RYR2: variants seen among roughly 807,000 people sequenced by gnomAD.
RYR2 encodes the protein cardiac muscle ryanodine receptor-calcium release channel.
A neutral mutation model predicts 601.1 loss-of-function variants in RYR2; 227 were observed. That is an observed-to-expected ratio of 0.38 (90% CI 0.34 to 0.42). The LOEUF (loss-of-function observed/expected upper bound fraction) is 0.42, where lower values mean the gene tolerates loss of function less well. Ranked by LOEUF, RYR2 falls within the 10% of genes least tolerant of loss-of-function variation. RYR2 has a pLI of 1.00. For synonymous variants in RYR2, 2,223 were observed against 2,175.1 expected (o/e 1.02, Z -0.61); for missense variants, 4,646 against 6,156.5 (o/e 0.75, Z 8.21).
chr1:237,696,540 CTT>C (rs55771611), intron 63 of RYR2, among the ~76,000 whole-genome samples: 1 of 138,722 alleles, frequency 7.2e-6, no homozygotes, highest in Non-Finnish European at 1.5e-5. Flanking sequence ...GCACTGCAGA[CTT>C]TTTTTTTTTT....
intron 1 of RYR2, among the ~76,000 whole-genome samples, chr1:237,258,478 G>A (rs1157337949): frequency 1.3e-5 from 2 of 152,120 alleles, no homozygotes; most frequent in Non-Finnish European, 2.9e-5. Context: ...CACTTATCAA[G>A]ATAAGGAACT....
In RYR2 at chr1:237,726,325, A is replaced by G. The variant is rs562857494; in HGVS notation, c.10725+17A>G. 1.7e-5 allele frequency: 26 copies of G among 1,530,274 alleles called. No homozygotes were observed. The highest frequency in any genetic ancestry group is 1.7e-4 in the Middle Eastern group (1 of 5,942). The allele number at this position is 1,530,274 out of a possible 1,614,324, so 94.8% of individuals were successfully genotyped here. On this transcript the variant is annotated intron_variant, in intron 75 of 104. Coordinates refer to ENST00000366574, the MANE Select transcript of RYR2 (RefSeq NM_001035.3). ...TACTGTCTGGGAAGTACAGTGCTCA[A>G]TGGCCTAGAGATTACTAATTAATTT...
intron 14 of RYR2, 101 bp from the exon 15 acceptor site, chr1:237,454,290 T>C: frequency 8.4e-7 from 1 of 1,188,314 alleles, no homozygotes; most frequent in Non-Finnish European, 1.2e-6. Flanking sequence ...CCTTTTACAG[T>C]GATGTAGGGA....
In RYR2 at chr1:237,388,098, G is replaced by T. The variant is rs1458500258; in HGVS notation, c.688G>T (p.Gly230Cys). The T allele has an allele frequency of 6.2e-7, 1 of 1,613,632 alleles. No individual in the cohort carries two copies. Among genetic ancestry groups the T allele is most frequent in the African/African-American group, 1.3e-5 (1 of 74,948 alleles). The change falls in exon 10 of 105, where the codon GGT becomes TGT. Residue 230 changes from glycine to cysteine, a missense_variant. Gly to Cys is a radical substitution (Grantham distance 159). Transcript: ENST00000366574. ...GSEAAQGYLI[G>C]GDVLRLLHGH... ...TTTTATCCTTACAGGGTATCTCATT[G>T]GTGGTGATGTCCTCAGGTTGCTGCA... is the stretch of plus-strand genomic sequence containing the variant.
chr1:237,110,267 ATT>A (rs71178393), intron 1 of RYR2, among the ~76,000 whole-genome samples: 4 of 150,426 alleles, frequency 2.7e-5, no homozygotes, highest in African/African-American at 4.9e-5. Context: ...GAAAATGGGC[ATT>A]TTTTTTTTCT....
intron 3 of RYR2, among the ~76,000 whole-genome samples, chr1:237,334,670 C>T (rs961160598): frequency 1.3e-5 from 2 of 152,134 alleles, no homozygotes; most frequent in South Asian, 2.1e-4. Context: ...ATCTCTTTGG[C>T]CCCGTTTTCT....
At chr1:237,763,232 G>A (rs1376860680) in intron 84 of RYR2, among the ~76,000 whole-genome samples, 2 of 152,130 alleles carry the variant, frequency 1.3e-5, no homozygotes, top group African/African-American at 4.8e-5. Context: ...TGGGCCCAGC[G>A]TCTGCAACTG....
At chr1:237,133,924 C>CAAAAAAAAAAA (rs10639948) in intron 1 of RYR2, among the ~76,000 whole-genome samples, 1 of 100,474 alleles carries the variant, frequency 1.0e-5, no homozygotes, top group Non-Finnish European at 1.9e-5. Context: ...GACTCCGTCT[C>CAAAAAAAAAAA]AAAAAAAAAA....
At chr1:237,619,647 A>G (rs192580839) in intron 38 of RYR2, among the ~76,000 whole-genome samples, 190 of 151,818 alleles carry the variant, frequency 1.3e-3, no homozygotes, top group Admixed American at 2.2e-3. Context: ...TATAGGATAA[A>G]CATAAATCTT....
chr1:237,506,724 T>G lies in RYR2; in HGVS notation c.2628T>G (p.Pro876=). 1 of 1,612,252 alleles carries G rather than the reference T, an allele frequency of 6.2e-7. No individual in the cohort carries two copies. Among genetic ancestry groups the G allele is most frequent in the Non-Finnish European group, 8.5e-7 (1 of 1,179,290 alleles). The change falls in exon 23 of 105, where the codon CCT becomes CCG. Residue 876 remains proline (P), a synonymous_variant. Transcript: ENST00000366574. ...PVDTSQIVLP[P]HLERIREKLA... is the part of the protein sequence containing the mutation. Reference sequence around the variant, plus strand: ...GTAAATTTTAGATCGTGTTGCCTCCTCATCTAGAAAGAATAAGAGAAAAAC... The same window carrying G: ...GTAAATTTTAGATCGTGTTGCCTCCGCATCTAGAAAGAATAAGAGAAAAAC...
intron 12 of RYR2, 112 bp downstream of exon 12, chr1:237,423,360 T>C (rs1203540167): frequency 7.9e-7 from 1 of 1,260,416 alleles, no homozygotes; most frequent in African/African-American, 1.5e-5. Flanking sequence ...ATGTCTTATG[T>C]GTATTTCTAA....
At chr1:237,689,699 C>A in intron 63 of RYR2, among the ~76,000 whole-genome samples, 1 of 152,028 alleles carries the variant, frequency 6.6e-6, no homozygotes, top group South Asian at 2.1e-4. Flanking sequence ...TATCTCAAAG[C>A]GCATTTTTGC....
At chr1:237,769,028 A>G (rs1197298951) in intron 84 of RYR2, among the ~76,000 whole-genome samples, 2 of 152,250 alleles carry the variant, frequency 1.3e-5, no homozygotes, top group Admixed American at 6.5e-5. Context: ...TTTTAGGTAC[A>G]CAGGTAGATT....
chr1:237,594,917 T>TG (rs1675705498), intron 33 of RYR2, among the ~76,000 whole-genome samples: 4 of 84,242 alleles, frequency 4.7e-5, no homozygotes, highest in African/African-American at 1.4e-4. Flanking sequence ...TTTTTTTTTT[T>TG]TTTTTTTTTT....
chr1:237,227,452 G>C (rs1684493583), intron 1 of RYR2, among the ~76,000 whole-genome samples: 1 of 152,112 alleles, frequency 6.6e-6, no homozygotes, highest in African/African-American at 2.4e-5. Flanking sequence ...ATAGGAGGAG[G>C]GGTAGATTCA....
At chr1:237,764,341 C>A (rs1164465260) in intron 84 of RYR2, among the ~76,000 whole-genome samples, 1 of 151,654 alleles carries the variant, frequency 6.6e-6, no homozygotes, top group African/African-American at 2.4e-5. Context: ...GAAGTCACTT[C>A]CCTCCCATCT....
At chr1:237,370,017 T>A (rs1700513370) in intron 6 of RYR2, among the ~76,000 whole-genome samples, 1 of 152,116 alleles carries the variant, frequency 6.6e-6, no homozygotes, top group South Asian at 2.1e-4. Context: ...CTCACCAACT[T>A]CTTTTTCTTC....
chr1:237,273,567 T>C (rs1689930063), intron 2 of RYR2, among the ~76,000 whole-genome samples: 3 of 152,296 alleles, frequency 2.0e-5, no homozygotes, highest in Admixed American at 2.0e-4. Flanking sequence ...GAGTGTCTTA[T>C]GGAATGGCTC....
Position 237,345,371 on chromosome 1 carries a change from T to C in RYR2, c.274-10594T>C, listed in dbSNP as rs969390349. Among the ~76,000 whole-genome samples, 8 of 152,058 alleles carry C rather than the reference T, an allele frequency of 5.3e-5. No individual in the cohort carries two copies. In the East Asian group the frequency reaches 1.4e-3, roughly 26 times the overall value. ...GACTTTATTATATGAAATTTATTAT[T>C]CATAATAGATCTAAGCCCAGGAGGT... On this transcript the variant is annotated intron_variant, in intron 3 of 104. Coordinates refer to ENST00000366574, the MANE Select transcript of RYR2 (RefSeq NM_001035.3).
Sources: gnomAD v4.1 joint callset for allele counts (sites outside exome capture counted in the v4.1 genomes callset) on GRCh38, gnomAD v4.1.1 for gene constraint, MANE v1.5 for transcripts, NCBI Gene and HGNC (gene_info 2026-07-23, HGNC 2026-07-21) for gene names.